IRGM: variants seen among roughly 807,000 people sequenced by gnomAD.
IRGM encodes immunity-related GTPase family M protein.
For synonymous variants in IRGM, 98 were observed against 80.6 expected (o/e 1.22, Z -1.16); for missense variants, 288 against 219.9 (o/e 1.31, Z -1.96).
At chr5:150,881,604 T>C (rs1352125473) in intron 3 of IRGM, among the ~76,000 whole-genome samples, 2 of 152,174 alleles carry the variant, frequency 1.3e-5, no homozygotes, top group African/African-American at 4.8e-5. Flanking sequence ...TGGTGGTGTG[T>C]GAATCACCTA....
At chr5:150,886,688 A>G (rs1754528594) in intron 3 of IRGM, among the ~76,000 whole-genome samples, 1 of 152,052 alleles carries the variant, frequency 6.6e-6, no homozygotes, top group Non-Finnish European at 1.5e-5. Flanking sequence ...TTGTGTGCAT[A>G]GAGATGTTCA....
At chr5:150,851,129 C>T (rs999177229), downstream of IRGM, among the ~76,000 whole-genome samples, 7 of 152,084 alleles carry the variant, frequency 4.6e-5, no homozygotes, top group Non-Finnish European at 7.4e-5. Context: ...TGGGCAGGAA[C>T]AAAGAGATAA....
At chr5:150,874,823 T>A (rs1754338851) in intron 1 of IRGM, among the ~76,000 whole-genome samples, 1 of 152,210 alleles carries the variant, frequency 6.6e-6, no homozygotes, top group African/African-American at 2.4e-5. Context: ...GGCTCTGCTA[T>A]CTTTTTCAGA....
Position 150,847,929 on chromosome 5 carries a change from T to C in IRGM, c.-195T>C. 3.6e-6 allele frequency: 2 copies of C among 558,134 alleles called. No homozygotes were observed. Among genetic ancestry groups the C allele is most frequent in the Non-Finnish European group, 6.4e-6 (2 of 312,912 alleles). The allele number at this position is 558,134 out of a possible 1,614,324, so 34.6% of individuals were successfully genotyped here. A position where few individuals can be genotyped will look rare whatever the true frequency, so the allele number is the denominator to read the frequency against. On this transcript the variant is annotated 5_prime_UTR_variant, in exon 2 of 2. Coordinates refer to ENST00000522154, the MANE Select transcript of IRGM (RefSeq NM_001145805.2). ...GCGATTCCCCTGCCTCAGCCTCCTGTATTAGCTGGGACTACAGGCGCACAC... is the reference window on the plus strand; with the variant it reads ...GCGATTCCCCTGCCTCAGCCTCCTGCATTAGCTGGGACTACAGGCGCACAC...
At chr5:150,861,854 A>T (rs927481100) in intron 1 of IRGM, among the ~76,000 whole-genome samples, 3 of 152,250 alleles carry the variant, frequency 2.0e-5, no homozygotes, top group African/African-American at 7.2e-5. Context: ...TTTGAAAAAA[A>T]TATTTCATAT....
intron 3 of IRGM, among the ~76,000 whole-genome samples, chr5:150,891,527 C>T (rs2113300204): frequency 1.3e-5 from 2 of 152,088 alleles, no homozygotes; most frequent in South Asian, 4.1e-4. Flanking sequence ...GATTACTTCT[C>T]TTCTTTTTGG....
intron 3 of IRGM, among the ~76,000 whole-genome samples, chr5:150,888,096 G>A (rs571834024): frequency 6.6e-6 from 1 of 152,054 alleles, no homozygotes; most frequent in South Asian, 2.1e-4. Flanking sequence ...AAGGGATGGA[G>A]GGAAATTTAC....
intron 1 of IRGM, among the ~76,000 whole-genome samples, chr5:150,876,918 CT>C (rs560738379): frequency 3.9e-5 from 6 of 152,282 alleles, no homozygotes; most frequent in Admixed American, 3.3e-4. Context: ...CATTTATACA[CT>C]TGTACTAAGA....
intron 3 of IRGM, among the ~76,000 whole-genome samples, chr5:150,881,291 G>A (rs781032601): frequency 1.3e-5 from 2 of 152,070 alleles, no homozygotes; most frequent in African/African-American, 2.4e-5. Context: ...CAGATAAGGA[G>A]TTCCAATTAC....
chr5:150,875,242 G>A (rs1228020589), intron 1 of IRGM, among the ~76,000 whole-genome samples: 1 of 152,176 alleles, frequency 6.6e-6, no homozygotes, highest in Non-Finnish European at 1.5e-5. Context: ...CCACCCAAAA[G>A]TGGACAGCTG....
chr5:150,850,882 G>A (rs1056769512), downstream of IRGM, among the ~76,000 whole-genome samples: 1 of 152,140 alleles, frequency 6.6e-6, no homozygotes, highest in East Asian at 1.9e-4. Flanking sequence ...AGGCAAAGAC[G>A]GATGAAGGAT....
At chr5:150,854,359 A>G (rs1041475432) in intron 1 of IRGM, among the ~76,000 whole-genome samples, 2 of 152,118 alleles carry the variant, frequency 1.3e-5, no homozygotes, top group Admixed American at 1.3e-4. Flanking sequence ...ATTATATAAA[A>G]CTATTAGTTT....
rs1228567208 is a variant in IRGM at position 150,848,200 on chromosome 5, T to C, written c.77T>C (p.Leu26Pro). 2.6e-6 allele frequency: 4 copies of C among 1,551,782 alleles called. No homozygotes were observed. Among genetic ancestry groups the C allele is most frequent in the South Asian group, 1.2e-5 (1 of 84,064 alleles). ...GTGATCTCTAACATCAAGGAGACTC[T>C]GAAGATAGTGTCCAGGACACCAGTT... ...PEVISNIKET[L>P]KIVSRTPVNI... The change falls in exon 2 of 2, where the codon CTG (leucine) becomes CCG (proline). Residue 26 changes from leucine (L) to proline (P), a missense_variant. Transcript: ENST00000522154.
intron 1 of IRGM, among the ~76,000 whole-genome samples, chr5:150,856,116 G>A (rs970072651): frequency 6.6e-6 from 1 of 152,092 alleles, no homozygotes; most frequent in Non-Finnish European, 1.5e-5. Context: ...AATTTTATAA[G>A]TTAAATATGT....
At position 150,882,227 on chromosome 5, in the gene IRGM, G is replaced by GAAAAAAAAAAAGA. The variant is rs58354510; in HGVS notation, c.*140+2591_*140+2592insAGAAAAAAAAAAA. Among the ~76,000 whole-genome samples, 10 of 136,714 alleles carry GAAAAAAAAAAAGA rather than the reference G, an allele frequency of 7.3e-5. No homozygotes were observed. In the East Asian group the frequency reaches 1.4e-3, roughly 19 times the overall value. 89.7% of individuals were successfully genotyped at this position (136,714 alleles called of 152,430 possible). A position where few individuals can be genotyped will look rare whatever the true frequency, so the allele number is the denominator to read the frequency against. On this transcript the variant is annotated intron_variant and NMD_transcript_variant, in intron 3 of 3. Transcript: ENST00000520549. ...GAATGAGGCCCTGTCTCAAAAAAAA[G>GAAAAAAAAAAAGA]AAAAAAAAAAGAAAAAGAATCAATG... is the stretch of plus-strand genomic sequence containing the variant.
chr5:150,875,229 G>A (rs546862681), intron 1 of IRGM, among the ~76,000 whole-genome samples: 1 of 152,256 alleles, frequency 6.6e-6, no homozygotes, highest in South Asian at 2.1e-4. Flanking sequence ...TGACATGCAG[G>A]CACCACCCAA....
At chr5:150,901,290 A>G (rs1014215069), downstream of IRGM, among the ~76,000 whole-genome samples, 1 of 152,142 alleles carries the variant, frequency 6.6e-6, no homozygotes, top group Non-Finnish European at 1.5e-5. Context: ...ACCACATTCA[A>G]AAAATTATTT....
intron 3 of IRGM, chr5:150,898,204 G>A (rs1251662165): frequency 6.2e-7 from 1 of 1,611,942 alleles, no homozygotes; most frequent in Non-Finnish European, 8.5e-7. Context: ...AGAAATCACA[G>A]AGAATTGAGA....
intron 3 of IRGM, among the ~76,000 whole-genome samples, chr5:150,885,003 A>G (rs1308861634): frequency 6.6e-6 from 1 of 152,028 alleles, no homozygotes; most frequent in East Asian, 1.9e-4. Context: ...TCCTATATCC[A>G]GGATGGTATT....
Sources: allele counts gnomAD v4.1 joint callset (sites outside exome capture counted in the v4.1 genomes callset), GRCh38; gene constraint gnomAD v4.1.1; transcripts MANE v1.5; gene names NCBI Gene and HGNC (gene_info 2026-07-23, HGNC 2026-07-21).